The following RAB27B variants were observed in gnomAD, a reference collection of about 807,000 sequenced individuals.
RAB27B encodes the protein RAB27B, member RAS oncogene family, also known as ras-related protein Rab-27B.
In RAB27B, 15 loss-of-function variants were observed where a neutral mutation model predicts 24.6. That is an observed-to-expected ratio of 0.61 (90% CI 0.41 to 0.94). RAB27B has a LOEUF of 0.94. Ranked by LOEUF, RAB27B falls within the 40% of genes least tolerant of loss-of-function variation. The pLI, the probability that RAB27B is intolerant of heterozygous loss-of-function variation, is 0.00. For synonymous variants in RAB27B, 105 were observed against 92.5 expected (o/e 1.14, Z -0.78); for missense variants, 261 against 266.8 (o/e 0.98, Z 0.15).
At chr18:54,783,908 C>T (rs868454641) in intron 2 of RAB27B, among the ~76,000 whole-genome samples, 4 of 152,208 alleles carry the variant, frequency 2.6e-5, no homozygotes, top group Admixed American at 2.6e-4. Context: ...CATTGGGCCA[C>T]TTGGATTGTG....
upstream of RAB27B, among the ~76,000 whole-genome samples, chr18:54,826,947 A>G (rs1223904882): frequency 6.6e-6 from 1 of 152,216 alleles, no homozygotes; most frequent in Non-Finnish European, 1.5e-5. Flanking sequence ...TGAACACATG[A>G]ACTAGATAAA....
At chr18:54,771,571 G>A (rs2145071152) in intron 2 of RAB27B, among the ~76,000 whole-genome samples, 1 of 150,170 alleles carries the variant, frequency 6.7e-6, no homozygotes, top group African/African-American at 2.4e-5. Flanking sequence ...ATGGTATTAT[G>A]GTGATAGAGC....
At chr18:54,720,264 A>T (rs536897341) in intron 2 of RAB27B, among the ~76,000 whole-genome samples, 3 of 152,228 alleles carry the variant, frequency 2.0e-5, no homozygotes, top group Admixed American at 2.0e-4. Context: ...GGTTATCCCA[A>T]GGCCTTGAAA....
chr18:54,865,052 AGAT>A (rs1011820156), intron 1 of RAB27B, among the ~76,000 whole-genome samples: 2 of 152,234 alleles, frequency 1.3e-5, no homozygotes, highest in African/African-American at 4.8e-5. Flanking sequence ...TAATAGACTC[AGAT>A]GATAATAGAA....
intron 1 of RAB27B, among the ~76,000 whole-genome samples, chr18:54,835,336 T>C (rs921643243): frequency 6.6e-6 from 1 of 151,944 alleles, no homozygotes; most frequent in Non-Finnish European, 1.5e-5. Context: ...ATAGGAGCAA[T>C]GCAACCTGTT....
At chr18:54,879,679 C>T (rs1912843467) in intron 3 of RAB27B, 1 of 479,438 alleles carries the variant, frequency 2.1e-6, no homozygotes, top group African/African-American at 1.9e-5. Flanking sequence ...AAAAATCTCT[C>T]TGAAGATTCT....
chr18:54,877,844 A>T, intron 2 of RAB27B, 106 bp downstream of exon 2: 1 of 1,132,610 alleles, frequency 8.8e-7, no homozygotes, highest in Non-Finnish European at 1.2e-6. Context: ...GTCACACGAA[A>T]TTCATAACCT....
intron 2 of RAB27B, among the ~76,000 whole-genome samples, chr18:54,743,482 G>A (rs1326435595): frequency 6.6e-6 from 1 of 152,164 alleles, no homozygotes; most frequent in Non-Finnish European, 1.5e-5. Context: ...GATTTCCATT[G>A]AATCATGAGT....
intron 1 of RAB27B, among the ~76,000 whole-genome samples, chr18:54,842,692 G>A (rs1376669702): frequency 6.6e-6 from 1 of 152,120 alleles, no homozygotes; most frequent in Non-Finnish European, 1.5e-5. Context: ...AGAACAAAAT[G>A]CTTATTTAAA....
intron 2 of RAB27B, among the ~76,000 whole-genome samples, chr18:54,822,903 C>T (rs1436723163): frequency 6.6e-6 from 1 of 152,142 alleles, no homozygotes; most frequent in Non-Finnish European, 1.5e-5. Flanking sequence ...TTTCCCACAG[C>T]ATGTTCCTCT....
In RAB27B at chr18:54,867,623, T is replaced by A. The variant is rs1177170028; in HGVS notation, c.-19-9944T>A. ...CACCAGACCCAGCTAATTTTTGTAT[T>A]CTTAGTAGAGACAGGGTTTCACCAT... On this transcript the variant is annotated intron_variant, in intron 1 of 5. Transcript: ENST00000262094. 1.4e-4 allele frequency among the ~76,000 whole-genome samples: 22 copies of A among 151,964 alleles called. 1 individual carries two copies. The highest frequency in any genetic ancestry group is 1.4e-3 in the Admixed American group (22 of 15,256).
chr18:54,775,603 T>C (rs970389015), intron 2 of RAB27B, among the ~76,000 whole-genome samples: 3 of 152,216 alleles, frequency 2.0e-5, no homozygotes, highest in African/African-American at 4.8e-5. Flanking sequence ...CTGCAGTGAA[T>C]TGAATCTGAC....
chr18:54,777,353 T>G (rs1908749105), intron 2 of RAB27B, among the ~76,000 whole-genome samples: 1 of 152,188 alleles, frequency 6.6e-6, no homozygotes, highest in Non-Finnish European at 1.5e-5. Flanking sequence ...CAGGGATGGG[T>G]GCAGGTAGTG....
At position 54,892,073 on chromosome 18, in the gene RAB27B, T is replaced by C. The variant is rs1231147410; in HGVS notation, c.*2660T>C. 2 of 152,064 alleles carry C rather than the reference T, an allele frequency of 1.3e-5. No individual in the cohort carries two copies. Among genetic ancestry groups the C allele is most frequent in the Non-Finnish European group, 2.9e-5 (2 of 67,974 alleles). 9.4% of individuals were successfully genotyped at this position (152,064 alleles called of 1,614,324 possible). On this transcript the variant is annotated 3_prime_UTR_variant, in exon 6 of 6. Coordinates refer to ENST00000262094, the MANE Select transcript of RAB27B (RefSeq NM_004163.4). Reference sequence around the variant, plus strand: ...TTCTGGTGCCATAAAGTATACAGACTACTTTAAAGATTTCCAAATCCCCTA... The same window carrying C: ...TTCTGGTGCCATAAAGTATACAGACCACTTTAAAGATTTCCAAATCCCCTA...
At chr18:54,817,263 T>C (rs905091044) in intron 2 of RAB27B, among the ~76,000 whole-genome samples, 1 of 152,184 alleles carries the variant, frequency 6.6e-6, no homozygotes, top group Non-Finnish European at 1.5e-5. Flanking sequence ...TTTAAAGCCT[T>C]CTATTTTGAA....
At chr18:54,838,630 T>G (rs1910987372) in intron 1 of RAB27B, among the ~76,000 whole-genome samples, 1 of 152,162 alleles carries the variant, frequency 6.6e-6, no homozygotes, top group Admixed American at 6.5e-5. Flanking sequence ...CATCTAGTTC[T>G]GAACAAATAT....
intron 1 of RAB27B, among the ~76,000 whole-genome samples, chr18:54,849,699 C>T (rs749503660): frequency 3.9e-5 from 6 of 152,094 alleles, no homozygotes; most frequent in South Asian, 2.1e-4. Flanking sequence ...CCAGCCTGGG[C>T]GACAGAGCCA....
intron 1 of RAB27B, among the ~76,000 whole-genome samples, chr18:54,875,612 G>A (rs1295199172): frequency 6.6e-6 from 1 of 151,762 alleles, no homozygotes; most frequent in Non-Finnish European, 1.5e-5. Flanking sequence ...TGAAGAAAGT[G>A]TGTTATATGG....
chr18:54,796,009 C>T (rs908173827), intron 2 of RAB27B, among the ~76,000 whole-genome samples: 2 of 152,096 alleles, frequency 1.3e-5, no homozygotes, highest in African/African-American at 2.4e-5. Flanking sequence ...ATAATCATCA[C>T]CCCCAAAGTT....
Sources: allele counts gnomAD v4.1 joint callset (sites outside exome capture counted in the v4.1 genomes callset), GRCh38; gene constraint gnomAD v4.1.1; transcripts MANE v1.5; gene names NCBI Gene and HGNC (gene_info 2026-07-23, HGNC 2026-07-21).